Variants in TENT5D observed in about 807,000 individuals in gnomAD.
TENT5D encodes the protein terminal nucleotidyltransferase 5D.
For synonymous variants in TENT5D, 103 were observed against 100.6 expected, an observed-to-expected ratio of 1.02 and a Z score of -0.15; for missense variants, 191 against 287.0, an observed-to-expected ratio of 0.67 and a Z score of 2.42.
intron 3 of TENT5D, among the ~76,000 whole-genome samples, chrX:80,342,779 T>C (rs991920722): frequency 7.1e-5 from 8 of 111,919 alleles, no homozygotes; most frequent in Admixed American, 3.8e-4. Flanking sequence ...TAATAAATAA[T>C]GTATGATTTC....
At chrX:80,437,033 T>G (rs778106829) in intron 1 of TENT5D, among the ~76,000 whole-genome samples, 36 of 112,141 alleles carry the variant, frequency 3.2e-4, no homozygotes, top group Non-Finnish European at 5.4e-4. Context: ...GAAAAGCAAA[T>G]TTCACTGTCA....
chrX:80,382,898 T>C (rs1183653224), intron 3 of TENT5D, among the ~76,000 whole-genome samples: 1 of 112,230 alleles, frequency 8.9e-6, no homozygotes, highest in Admixed American at 9.4e-5. Context: ...GTACAGTCTT[T>C]CACGGCTTCC....
intron 3 of TENT5D, among the ~76,000 whole-genome samples, chrX:80,390,410 C>T (rs942167655): frequency 8.9e-6 from 1 of 111,795 alleles, no homozygotes; most frequent in African/African-American, 3.2e-5. Context: ...TAGGCACATT[C>T]ACCTGCATGA....
At chrX:80,384,164 A>C (rs1370870574) in intron 3 of TENT5D, among the ~76,000 whole-genome samples, 1 of 102,687 alleles carries the variant, frequency 9.7e-6, no homozygotes, top group Non-Finnish European at 2.0e-5. Context: ...ACATCGATGC[A>C]AAAATCCTCA....
chrX:80,420,511 A>G lies in TENT5D; in HGVS notation c.-194A>G, dbSNP rs922337296. The stretch of plus-strand genomic sequence containing the variant: ...ATGCAGAACTCTGGTAAAGGATGTT[A>G]GTCTTCAGAGTAAGACTGTTAAATT... On this transcript the variant is annotated 5_prime_UTR_variant, in exon 1 of 3. The change abolishes the stop of an existing upstream ORF in the 5' untranslated region. Transcript: ENST00000308293. 4.5e-5 allele frequency: 5 copies of G among 111,608 alleles called. No homozygotes were observed. Among genetic ancestry groups the G allele is most frequent in the East Asian group, 5.6e-4 (2 of 3,586 alleles). 9.2% of individuals were successfully genotyped at this position (111,608 alleles called of 1,213,427 possible). A position where few individuals can be genotyped will look rare whatever the true frequency, so the allele number is the denominator to read the frequency against.
rs965692745 is a variant in TENT5D at position 80,385,311 on chromosome X, AG to A, written c.-142+42748del. ...ATCCTTGACAAACCTGAGAAAAACA[AG>A]AAATGGGGAAAGGATTCCCCATTTA... is the stretch of plus-strand genomic sequence containing the variant. On this transcript the variant is annotated intron_variant, in intron 3 of 4. Transcript: ENST00000538312. 2.7e-5 allele frequency among the ~76,000 whole-genome samples: 3 copies of A among 111,683 alleles called. No individual in the cohort carries two copies. The Admixed American group carries it at 2.9e-4, about 11-fold the overall frequency.
chrX:80,406,858 G>A (rs1159372557), intron 3 of TENT5D, among the ~76,000 whole-genome samples: 1 of 90,044 alleles, frequency 1.1e-5, no homozygotes, highest in Non-Finnish European at 2.2e-5. Context: ...GAGAAAGGTC[G>A]GGTTACCCTC....
chrX:80,371,461 CT>C (rs1261857697), intron 3 of TENT5D, among the ~76,000 whole-genome samples: 1 of 112,029 alleles, frequency 8.9e-6, no homozygotes, highest in Non-Finnish European at 1.9e-5. Flanking sequence ...TAGGCACTGA[CT>C]TCTCTTCTAC....
At chrX:80,348,207 G>A (rs941378217) in intron 3 of TENT5D, among the ~76,000 whole-genome samples, 3 of 112,028 alleles carry the variant, frequency 2.7e-5, no homozygotes, top group Non-Finnish European at 5.6e-5. Context: ...TGTGAAGAAA[G>A]TCAATCGTAG....
chrX:80,405,511 G>C (rs1346071582), intron 3 of TENT5D, among the ~76,000 whole-genome samples: 1 of 112,358 alleles, frequency 8.9e-6, no homozygotes, highest in African/African-American at 3.2e-5. Context: ...CTGGAAAATC[G>C]GGTCACTCCC....
At chrX:80,339,839 AATAG>A (rs1172918719) in intron 2 of TENT5D, among the ~76,000 whole-genome samples, 8 of 107,752 alleles carry the variant, frequency 7.4e-5, no homozygotes, top group East Asian at 2.9e-4. Context: ...TGGTGATTAT[AATAG>A]ATAGTTATCG....
chrX:80,373,283 G>A (rs1462561770), intron 3 of TENT5D, among the ~76,000 whole-genome samples: 1 of 111,079 alleles, frequency 9.0e-6, no homozygotes, highest in African/African-American at 3.3e-5. Context: ...TTATAGTTTA[G>A]GGATTTTGAT....
chrX:80,409,449 C>A (rs1050636797), intron 3 of TENT5D, among the ~76,000 whole-genome samples: 9 of 111,077 alleles, frequency 8.1e-5, no homozygotes, highest in Non-Finnish European at 1.5e-4. Context: ...TTCTTATACA[C>A]CAATAACAGA....
intron 3 of TENT5D, among the ~76,000 whole-genome samples, chrX:80,406,904 G>A (rs1931510965): frequency 9.9e-6 from 1 of 101,423 alleles, no homozygotes. Context: ...CGGATCTCTT[G>A]GCAGAAACCC....
intron 3 of TENT5D, among the ~76,000 whole-genome samples, chrX:80,380,608 G>T (rs1930842891): frequency 9.0e-6 from 1 of 110,995 alleles, no homozygotes; most frequent in Non-Finnish European, 1.9e-5. Flanking sequence ...CTCTTTGTAG[G>T]TCTCTAAGAA....
At chrX:80,403,965 C>A (rs750446191) in intron 3 of TENT5D, among the ~76,000 whole-genome samples, 7 of 111,313 alleles carry the variant, frequency 6.3e-5, no homozygotes, top group Admixed American at 9.6e-5. Flanking sequence ...AGTATATGTA[C>A]GATGTACATT....
At chrX:80,434,612 G>A (rs1932148507) in intron 1 of TENT5D, among the ~76,000 whole-genome samples, 1 of 110,887 alleles carries the variant, frequency 9.0e-6, no homozygotes, top group Admixed American at 9.6e-5. Flanking sequence ...TGTTGTTTTG[G>A]TATATGAACC....
intron 1 of TENT5D, among the ~76,000 whole-genome samples, chrX:80,422,111 G>A (rs1416502302): frequency 1.8e-5 from 2 of 111,223 alleles, no homozygotes; most frequent in Non-Finnish European, 3.8e-5. Flanking sequence ...AAAGTAATAA[G>A]AGATCACCCC....
intron 1 of TENT5D, among the ~76,000 whole-genome samples, chrX:80,436,565 G>C (rs535906493): frequency 4.6e-5 from 5 of 109,733 alleles, no homozygotes; most frequent in Non-Finnish European, 9.5e-5. Flanking sequence ...GATAGGTCCC[G>C]GTGTGTGATG....
Sources: gnomAD v4.1 joint callset for allele counts (sites outside exome capture counted in the v4.1 genomes callset) on GRCh38, gnomAD v4.1.1 for gene constraint, MANE v1.5 for transcripts, NCBI Gene and HGNC (gene_info 2026-07-23, HGNC 2026-07-21) for gene names.